Variants in STRN3 observed in about 807,000 individuals in gnomAD.
STRN3 encodes striatin 3.
In STRN3, 29 loss-of-function variants were observed where a neutral mutation model predicts 95.6. The observed-to-expected ratio is 0.30, with a 90% CI of 0.23 to 0.41. The LOEUF is 0.41. Among genes scored for constraint, STRN3 ranks in the 10% least tolerant of loss-of-function variants. STRN3 has a pLI of 1.00. For missense variants in STRN3, 890 were observed against 972.1 expected (o/e 0.92, Z 1.12); for synonymous variants, 331 against 357.6 (o/e 0.93, Z 0.84).
intron 1 of STRN3, among the ~76,000 whole-genome samples, chr14:30,998,698 G>A (rs953530482): frequency 2.6e-5 from 4 of 152,220 alleles, no homozygotes; most frequent in African/African-American, 7.2e-5. Context: ...AGCTAACTGT[G>A]CAGAGACTTC....
intron 1 of STRN3, among the ~76,000 whole-genome samples, chr14:30,981,058 A>C (rs538398864): frequency 2.0e-5 from 3 of 152,240 alleles, no homozygotes; most frequent in Admixed American, 1.3e-4. Flanking sequence ...CTGTAATCCC[A>C]ACACTCTGAG....
At chr14:31,009,908 G>A (rs1882890809) in intron 1 of STRN3, among the ~76,000 whole-genome samples, 1 of 152,098 alleles carries the variant, frequency 6.6e-6, no homozygotes, top group African/African-American at 2.4e-5. Context: ...AGACCAGCCT[G>A]GGCAACATAC....
chr14:30,921,842 T>C (rs10483357), intron 8 of STRN3, among the ~76,000 whole-genome samples: 33,518 of 152,110 alleles, frequency 0.22, 4,159 homozygotes, highest in East Asian at 0.48. Context: ...CTAATTCTTA[T>C]GGCAAGAAAA....
chr14:31,017,238 G>A (rs560101759), intron 1 of STRN3, among the ~76,000 whole-genome samples: 4 of 150,608 alleles, frequency 2.7e-5, no homozygotes, highest in Non-Finnish European at 5.9e-5. Context: ...AGTGGCTCAC[G>A]CCTGTAATCC....
At chr14:30,955,072 T>C (rs192958838) in intron 3 of STRN3, among the ~76,000 whole-genome samples, 53 of 152,244 alleles carry the variant, frequency 3.5e-4, no homozygotes, top group Middle Eastern at 3.4e-3. Flanking sequence ...AAGGAGGAGA[T>C]TCTAATACAG....
At chr14:30,965,781 AAAAAAAAAC>A (rs1370765559) in intron 1 of STRN3, among the ~76,000 whole-genome samples, 1 of 151,846 alleles carries the variant, frequency 6.6e-6, no homozygotes, top group Non-Finnish European at 1.5e-5. Context: ...AAAAAAAAAA[AAAAAAAAAC>A]AACAAACAAA....
intron 1 of STRN3, among the ~76,000 whole-genome samples, chr14:30,968,646 T>A (rs1030465437): frequency 1.4e-5 from 2 of 144,114 alleles, no homozygotes; most frequent in Admixed American, 7.3e-5. Context: ...ACCACCGCAC[T>A]CCAGCCTGGG....
intron 14 of STRN3, among the ~76,000 whole-genome samples, 162 bp from the exon 15 acceptor site, chr14:30,905,720 A>G (rs1191127276): frequency 6.6e-6 from 1 of 152,222 alleles, no homozygotes; most frequent in African/African-American, 2.4e-5. Flanking sequence ...TGGTGAGATA[A>G]GAAATATCTT....
rs532569756 is a variant in STRN3 at position 31,016,933 on chromosome 14, T to C, written c.282+8971A>G. Among the ~76,000 whole-genome samples the C allele has an allele frequency of 1.8e-4, 28 of 152,178 alleles. No individual in the cohort carries two copies. In the East Asian group the frequency reaches 2.5e-3, roughly 14 times the overall value. ...ACTTTGGGAGGCCAAGGATGGCAGATAGCTTGAGCCCAGAAGCTCAAAACC... is the reference window on the plus strand; with the variant it reads ...ACTTTGGGAGGCCAAGGATGGCAGACAGCTTGAGCCCAGAAGCTCAAAACC... On this transcript the variant is annotated intron_variant, in intron 1 of 17. Coordinates refer to ENST00000357479, the MANE Select transcript of STRN3 (RefSeq NM_001083893.2).
intron 1 of STRN3, among the ~76,000 whole-genome samples, chr14:30,993,709 C>T (rs975844034): frequency 6.6e-6 from 1 of 152,144 alleles, no homozygotes; most frequent in African/African-American, 2.4e-5. Flanking sequence ...GACACAGTCT[C>T]ACTCTTGTCG....
intron 6 of STRN3, among the ~76,000 whole-genome samples, chr14:30,935,866 A>G (rs1878790685): frequency 6.6e-6 from 1 of 152,102 alleles, no homozygotes; most frequent in Admixed American, 6.6e-5. Flanking sequence ...GAACACTGTC[A>G]TTTTTTTCTT....
At chr14:31,003,797 A>T (rs2750118) in intron 1 of STRN3, among the ~76,000 whole-genome samples, 30 of 4,464 alleles carry the variant, frequency 6.7e-3, no homozygotes, top group Non-Finnish European at 0.021. Context: ...CATCTTTCTT[A>T]AAAAAAAAAA....
intron 1 of STRN3, among the ~76,000 whole-genome samples, chr14:30,979,630 C>T (rs1264473828): frequency 7.9e-5 from 12 of 152,044 alleles, no homozygotes; most frequent in South Asian, 2.1e-4. Context: ...GATAGAGTCT[C>T]GCTCTGTCGC....
intron 13 of STRN3, among the ~76,000 whole-genome samples, chr14:30,909,501 T>C (rs1399901326): frequency 2.0e-5 from 3 of 150,818 alleles, no homozygotes; most frequent in Non-Finnish European, 4.4e-5. Flanking sequence ...GAGAGAGAGA[T>C]TGGGTCTCAC....
At chr14:30,956,628 C>T (rs1245474385) in intron 1 of STRN3, among the ~76,000 whole-genome samples, 3 of 152,236 alleles carry the variant, frequency 2.0e-5, no homozygotes, top group Admixed American at 1.3e-4. Flanking sequence ...TAACACATCC[C>T]TTTTAAAATA....
At chr14:30,993,733 G>A (rs144593506) in intron 1 of STRN3, among the ~76,000 whole-genome samples, 244 of 151,638 alleles carry the variant, frequency 1.6e-3, no homozygotes, top group African/African-American at 5.7e-3. Context: ...AGGCTGGAGT[G>A]CAATAGTGCG....
chr14:30,989,484 G>A (rs1013837800), intron 1 of STRN3, among the ~76,000 whole-genome samples: 1 of 152,064 alleles, frequency 6.6e-6, no homozygotes, highest in African/African-American at 2.4e-5. Context: ...ATTTTGAGAT[G>A]GAGTCTGGCT....
intron 9 of STRN3, among the ~76,000 whole-genome samples, chr14:30,917,345 T>C (rs1896766023): frequency 6.6e-6 from 1 of 152,208 alleles, no homozygotes; most frequent in South Asian, 2.1e-4. Flanking sequence ...AGTTGGTTTT[T>C]GTGTAGAGTG....
intron 1 of STRN3, chr14:31,014,571 T>A (rs1883150562): frequency 2.4e-6 from 1 of 411,096 alleles, no homozygotes; most frequent in Non-Finnish European, 4.8e-6. Flanking sequence ...AAAGTCTATC[T>A]AAAAGTAGTC....
Sources: gnomAD v4.1 joint callset for allele counts (sites outside exome capture counted in the v4.1 genomes callset) on GRCh38, gnomAD v4.1.1 for gene constraint, MANE v1.5 for transcripts, NCBI Gene and HGNC (gene_info 2026-07-23, HGNC 2026-07-21) for gene names.